Variants in CIAO3 observed in about 807,000 individuals in gnomAD.
CIAO3 encodes LET1 like/JFP15.
Under a neutral mutation model 51.5 loss-of-function variants are expected in CIAO3, and 45 were observed. The observed-to-expected ratio is 0.87, with a 90% CI of 0.69 to 1.12. The LOEUF (loss-of-function observed/expected upper bound fraction) is 1.12, where lower values mean the gene tolerates loss of function less well. Ranked by LOEUF, CIAO3 falls within the 50% of genes most tolerant of loss-of-function variation. The pLI is 0.00. For missense variants in CIAO3, 668 were observed against 632.5 expected (o/e 1.06, Z -0.60); for synonymous variants, 314 against 269.3 (o/e 1.17, Z -1.63).
In CIAO3 at chr16:730,345, T is replaced by C. The variant is rs1033481885; in HGVS notation, c.*72A>G. On this transcript the variant is annotated 3_prime_UTR_variant, in exon 11 of 11. Coordinates refer to ENST00000251588, the MANE Select transcript of CIAO3 (RefSeq NM_022493.3). ...TCACTCAGAATTTTGGGGGAAGCCC[T>C]GGGGTCTTGGGGCATGTGGTTCTGC... The C allele has an allele frequency of 6.9e-7, 1 of 1,459,762 alleles. No homozygotes were observed. Among genetic ancestry groups the C allele is most frequent in the Non-Finnish European group, 9.4e-7 (1 of 1,064,108 alleles). The allele number at this position is 1,459,762 out of a possible 1,614,324, so 90.4% of individuals were successfully genotyped here. A position where few individuals can be genotyped will look rare whatever the true frequency, so the allele number is the denominator to read the frequency against.
chr16:739,486 C>T (rs543173661), intron 2 of CIAO3, 157 bp downstream of exon 2: 3 of 736,258 alleles, frequency 4.1e-6, no homozygotes, highest in East Asian at 2.7e-5. Flanking sequence ...CACCCTGACC[C>T]CCAGCCTCCC....
rs749226274 is a variant in CIAO3 at position 732,388 on chromosome 16, C to T, written c.824-15G>A. The T allele has an allele frequency of 4.0e-5, 65 of 1,612,482 alleles. No homozygotes were observed. Among genetic ancestry groups the T allele is most frequent in the Non-Finnish European group, 5.5e-5 (65 of 1,179,742 alleles). ...GAAAACTTCTCCTGCAAAGAAGCCA[C>T]AGCGCAGACACTCTTTAGCGGAGAT... On this transcript the variant is annotated splice_polypyrimidine_tract_variant and intron_variant, in intron 7 of 10. Transcript: ENST00000251588.
chr16:735,012 G>A, intron 4 of CIAO3, 141 bp from the exon 5 acceptor site: 1 of 1,221,464 alleles, frequency 8.2e-7, no homozygotes, highest in Non-Finnish European at 1.1e-6. Context: ...CCCACCGTGG[G>A]GACCTCCTAA....
rs765617559 is a variant in CIAO3 at position 736,325 on chromosome 16, C to T, written c.380G>A (p.Arg127Gln). ...AGTATCTGTAGGATTCAGCTGAAAC[C>T]GTGCAGCCAGCGATGCTCTAGACTG... ...SPQSRASLAA[R>Q]FQLNPTDTAR... The change falls in exon 4 of 11, where the codon CGG becomes CAG. Residue 127 changes from arginine to glutamine, a missense_variant. By Grantham distance (43) the Arg-to-Gln change is conservative. Coordinates refer to ENST00000251588, the MANE Select transcript of CIAO3 (RefSeq NM_022493.3). 6.8e-6 allele frequency: 11 copies of T among 1,613,034 alleles called. No homozygotes were observed. Among genetic ancestry groups the T allele is most frequent in the Admixed American group, 6.7e-5 (4 of 60,004 alleles).
chr16:734,714 C>T lies in CIAO3; in HGVS notation c.574+23G>A, dbSNP rs1432313423. On this transcript the variant is annotated intron_variant, in intron 5 of 10. Coordinates refer to ENST00000251588, the MANE Select transcript of CIAO3 (RefSeq NM_022493.3). ...CAACTGCACTTGAACTTGACTCTCC[C>T]ACCACCCGCACCATGAGCACACCTG... 3.7e-6 allele frequency: 6 copies of T among 1,612,640 alleles called. No homozygotes were observed. In the African/African-American group the frequency reaches 5.3e-5, roughly 14 times the overall value.
Position 737,815 on chromosome 16 carries a change from G to T in CIAO3, c.163-486C>A, listed in dbSNP as rs143475450. ...TCCGGTGGGCGGGGCAGAAACAACC[G>T]TCAGACTCGCCAAACAGATGCAGGA... On this transcript the variant is annotated intron_variant, in intron 2 of 10. Coordinates refer to ENST00000251588, the MANE Select transcript of CIAO3 (RefSeq NM_022493.3). The surrounding 1 kb of genome is among the most constrained non-coding windows in gnomAD (Gnocchi z 5.3). 0.015 allele frequency: 18,383 copies of T among 1,193,422 alleles called. 161 individuals are homozygous for T. The highest frequency in any genetic ancestry group is 0.021 in the Middle Eastern group (57 of 2,662). The allele number at this position is 1,193,422 out of a possible 1,614,324, so 73.9% of individuals were successfully genotyped here.
At position 740,978 on chromosome 16, in the gene CIAO3, G is replaced by T. The variant is rs2041385097; in HGVS notation, c.8C>A (p.Ser3Ter). The change falls in exon 1 of 11, where the codon TCG becomes TAG. Residue 3 changes from serine to a stop codon, truncating the protein, a stop_gained. Coordinates refer to ENST00000251588, the MANE Select transcript of CIAO3 (RefSeq NM_022493.3). LOFTEE classifies it high-confidence loss of function. ...CAGCTGCAGCGCCCCGCTGAAGGGC[G>T]ACGCCATGACGGCCGCACTGCCGCC... MA[S>*]PFSGALQLTD... is the part of the protein sequence containing the mutation. 6.6e-7 allele frequency: 1 copy of T among 1,509,126 alleles called. No individual in the cohort carries two copies. The highest frequency in any genetic ancestry group is 8.8e-7 in the Non-Finnish European group (1 of 1,131,964). The allele number at this position is 1,509,126 out of a possible 1,614,324, so 93.5% of individuals were successfully genotyped here.
chr16:740,865 C>G, intron 1 of CIAO3, 55 bp downstream of exon 1: 1 of 1,481,508 alleles, frequency 6.7e-7, no homozygotes, highest in Non-Finnish European at 9.1e-7. Context: ...CAATTTCCCT[C>G]CGCGCGACAG....
chr16:734,572 C>T (rs751323056), intron 5 of CIAO3, 165 bp downstream of exon 5: 4 of 1,313,424 alleles, frequency 3.0e-6, no homozygotes, highest in Admixed American at 1.7e-5. Flanking sequence ...GGAGGGCAGC[C>T]TCTTCTCCAG....
intron 4 of CIAO3, 83 bp downstream of exon 4, chr16:736,183 G>T: frequency 6.4e-7 from 1 of 1,552,786 alleles, no homozygotes; most frequent in South Asian, 1.2e-5. Flanking sequence ...GCGTGTCAGT[G>T]ACTCAGAGGC....
Position 737,350 on chromosome 16 carries a change from G to A in CIAO3, c.163-21C>T. 1 of 1,612,148 alleles carries A rather than the reference G, an allele frequency of 6.2e-7. No individual in the cohort carries two copies. Among genetic ancestry groups the A allele is most frequent in the South Asian group, 1.1e-5 (1 of 91,062 alleles). The stretch of plus-strand genomic sequence containing the variant: ...CCGTCCTACAAGGGAGAAGAACCCG[G>A]TGCACAGGGGCCCCCTCTGCACGAG... On this transcript the variant is annotated intron_variant, in intron 2 of 10. Transcript: ENST00000251588. This position sits in a 1 kb window ranked among gnomAD's most constrained non-coding sequence, Gnocchi z 5.3.
In CIAO3 at chr16:729,942, C is replaced by T. The variant is rs2041252668; in HGVS notation, c.*475G>A. ...GCCTGGCACCCCCCCCTGCCAGGGT[C>T]CACACGCAGGGTTGTGGCGGGACCA... is the stretch of plus-strand genomic sequence containing the variant. On this transcript the variant is annotated 3_prime_UTR_variant, in exon 11 of 11. Transcript: ENST00000251588. 2.9e-6 allele frequency: 1 copy of T among 347,904 alleles called. No individual in the cohort carries two copies. The highest frequency in any genetic ancestry group is 2.2e-5 in the African/African-American group (1 of 45,964). The allele number at this position is 347,904 out of a possible 1,614,324, so 21.6% of individuals were successfully genotyped here.
rs962219387 is a variant in CIAO3 at position 740,929 on chromosome 16, C to T, written c.57G>A (p.Gly19=). The change falls in exon 1 of 11, where the codon GGG becomes GGA. Residue 19 remains glycine (G), a synonymous_variant. Coordinates refer to ENST00000251588, the MANE Select transcript of CIAO3 (RefSeq NM_022493.3). The stretch of plus-strand genomic sequence containing the variant: ...GCCCAGGCCGGCCCACCTGAGACGG[C>T]CCGATGAAGTCATCCAGGTCCGTCA... ...LQLTDLDDFI[G]PSQECIKPVK... is the part of the protein sequence containing the mutation. 7 of 1,528,422 alleles carry T rather than the reference C, an allele frequency of 4.6e-6. No individual in the cohort carries two copies. The African/African-American group carries it at 9.8e-5, about 21-fold the overall frequency. The allele number at this position is 1,528,422 out of a possible 1,614,324, so 94.7% of individuals were successfully genotyped here.
chr16:739,637 CCTTA>C lies in CIAO3; in HGVS notation c.162+2_162+5del, dbSNP rs759981401. On this transcript the variant is annotated splice_donor_variant and splice_donor_5th_base_variant and intron_variant, in intron 2 of 10. Transcript: ENST00000251588. LOFTEE classifies it high-confidence loss of function. ...AGAGATGGTGGAGCAGCCTCCTGTGCCTTACTTGGTTAATTTGGAAGTAGCTCCC... is the reference window on the plus strand; with the variant it reads ...AGAGATGGTGGAGCAGCCTCCTGTGCCTTGGTTAATTTGGAAGTAGCTCCC... The C allele has an allele frequency of 6.2e-7, 1 of 1,613,662 alleles. No individual in the cohort carries two copies. The highest frequency in any genetic ancestry group is 1.7e-5 in the Admixed American group (1 of 60,014).
At chr16:733,568 CG>C (rs2041306842) in intron 6 of CIAO3, 141 bp from the exon 7 acceptor site, 2 of 1,279,388 alleles carry the variant, frequency 1.6e-6, no homozygotes, top group African/African-American at 2.9e-5. Context: ...AGCCTCCTGC[CG>C]GCTCTGCGGA....
chr16:740,121 C>G, intron 1 of CIAO3: 3 of 1,308,854 alleles, frequency 2.3e-6, no homozygotes, highest in South Asian at 1.2e-5. Context: ...GAGACCACCT[C>G]CTGCTCAGTG....
At position 737,172 on chromosome 16, in the gene CIAO3, C is replaced by T. The variant is rs1222859909; in HGVS notation, c.306+14G>A. The T allele has an allele frequency of 9.9e-6, 16 of 1,613,300 alleles. No homozygotes were observed. Among genetic ancestry groups the T allele is most frequent in the East Asian group, 4.5e-5 (2 of 44,892 alleles). On this transcript the variant is annotated intron_variant, in intron 3 of 10. Transcript: ENST00000251588. The surrounding 1 kb of genome is among the most constrained non-coding windows in gnomAD (Gnocchi z 5.3). ...TCAGGTTAAAGCAGAGTCACCAGGC[C>T]GACCACTGCTTACCTTGTTAGCATC...
chr16:731,821 C>T (rs1273830389), intron 8 of CIAO3, 119 bp from the exon 9 acceptor site: 53 of 1,306,396 alleles, frequency 4.1e-5, no homozygotes, highest in Non-Finnish European at 5.4e-5. Flanking sequence ...AAGTCACAGA[C>T]ACAGAGGAAC....
At position 730,072 on chromosome 16, in the gene CIAO3, G is replaced by C. The variant is rs554135823; in HGVS notation, c.*345C>G. On this transcript the variant is annotated 3_prime_UTR_variant, in exon 11 of 11. Transcript: ENST00000251588. Reference sequence around the variant, plus strand: ...GTCTTGCTCTGCCTCAGGCAACCCCGGGACAGGCTGAAGCCCCTCACGCAC... The same window carrying C: ...GTCTTGCTCTGCCTCAGGCAACCCCCGGACAGGCTGAAGCCCCTCACGCAC... The C allele has an allele frequency of 1.2e-5, 5 of 428,484 alleles. No individual in the cohort carries two copies. The Admixed American group carries it at 1.2e-4, about 10-fold the overall frequency. 26.5% of individuals were successfully genotyped at this position (428,484 alleles called of 1,614,324 possible).
Sources: gnomAD v4.1 joint callset for allele counts on GRCh38, gnomAD v4.1.1 for gene constraint, Gnocchi (gnomAD v3.1) non-coding constraint, MANE v1.5 for transcripts, NCBI Gene and HGNC (gene_info 2026-07-23, HGNC 2026-07-21) for gene names.